Variants in CAPN3 observed in about 807,000 individuals in gnomAD.
The protein encoded by CAPN3 is calpain 3, also known as calpain-3.
In CAPN3, 88 loss-of-function variants were observed where a neutral mutation model predicts 114.0. That is an observed-to-expected ratio of 0.77 (90% CI 0.65 to 0.92). The LOEUF (loss-of-function observed/expected upper bound fraction) is 0.92, where lower values mean the gene tolerates loss of function less well. Among genes scored for constraint, CAPN3 ranks in the 40% least tolerant of loss-of-function variants. The probability of loss-of-function intolerance (pLI) is 0.00; values close to 1 mark genes in which losing one functional copy is unlikely to be tolerated. For synonymous variants in CAPN3, 386 were observed against 382.9 expected, an observed-to-expected ratio of 1.01 and a Z score of -0.09; for missense variants, 1,028 against 1,069.0, an observed-to-expected ratio of 0.96 and a Z score of 0.53.
intron 13 of CAPN3, 121 bp downstream of exon 13, chr15:42,403,123 C>G (rs1595838911): frequency 1.3e-6 from 1 of 769,968 alleles, no homozygotes; most frequent in Non-Finnish European, 2.3e-6. Context: ...TCCTGAGCCA[C>G]TGGCCACATT....
intron 1 of CAPN3, among the ~76,000 whole-genome samples, chr15:42,379,130 G>A (rs768238353): frequency 1.3e-5 from 2 of 152,070 alleles, no homozygotes; most frequent in African/African-American, 2.4e-5. Flanking sequence ...TGACCAACAT[G>A]ATGAAACTCC....
intron 16 of CAPN3, chr15:42,408,635 C>G: frequency 2.6e-6 from 1 of 388,774 alleles, no homozygotes; most frequent in South Asian, 2.1e-5. Context: ...AGCGGAGGCG[C>G]AACTCTTGTC....
At chr15:42,377,322 C>T (rs573847430) in intron 1 of CAPN3, among the ~76,000 whole-genome samples, 4 of 152,166 alleles carry the variant, frequency 2.6e-5, no homozygotes, top group East Asian at 1.9e-4. Flanking sequence ...AGTGGATGAT[C>T]GTTACCAAGT....
intron 1 of CAPN3, among the ~76,000 whole-genome samples, chr15:42,369,686 A>C (rs2052885716): frequency 6.6e-6 from 1 of 151,906 alleles, no homozygotes; most frequent in Non-Finnish European, 1.5e-5. Context: ...TTCTGGCCAC[A>C]ACAAAATGTG....
At chr15:42,369,724 C>T (rs1362295783) in intron 1 of CAPN3, among the ~76,000 whole-genome samples, 2 of 152,044 alleles carry the variant, frequency 1.3e-5, no homozygotes, top group Non-Finnish European at 2.9e-5. Flanking sequence ...ATTTGTTGCC[C>T]CACAACTGGA....
intron 11 of CAPN3, 124 bp from the exon 12 acceptor site, chr15:42,402,000 C>A: frequency 1.4e-6 from 2 of 1,389,860 alleles, no homozygotes; most frequent in Non-Finnish European, 2.0e-6. Context: ...GTGGAGCGGG[C>A]CTGGCAGAAC....
At chr15:42,369,295 G>A (rs752779714) in intron 1 of CAPN3, among the ~76,000 whole-genome samples, 2 of 152,168 alleles carry the variant, frequency 1.3e-5, no homozygotes, top group Admixed American at 6.5e-5. Flanking sequence ...TTAGGCTGAT[G>A]CCCTTTGGGT....
chr15:42,364,641 T>C (rs989814301), intron 1 of CAPN3, among the ~76,000 whole-genome samples: 5 of 152,204 alleles, frequency 3.3e-5, no homozygotes, highest in Admixed American at 3.3e-4. Flanking sequence ...ACATCAAATA[T>C]AAAATGTACA....
intron 1 of CAPN3, among the ~76,000 whole-genome samples, chr15:42,367,252 A>G (rs1239082491): frequency 6.6e-6 from 1 of 152,168 alleles, no homozygotes; most frequent in Non-Finnish European, 1.5e-5. Context: ...GAGTGTGGAA[A>G]GCACAGGAGT....
In CAPN3 at chr15:42,384,523, A is replaced by G; in HGVS notation, c.350A>G (p.Asn117Ser). The change falls in exon 2 of 24, where the codon AAC becomes AGC. Residue 117 changes from asparagine (N) to serine (S), a missense_variant. Coordinates refer to ENST00000397163, the MANE Select transcript of CAPN3 (RefSeq NM_000070.3). ...ENPRFIIDGA[N>S]RTDICQGELG... is the part of the protein sequence containing the mutation. ...CCCCGATTTATCATTGATGGAGCCAACAGAACTGACATCTGTCAAGGAGAG... is the reference window on the plus strand; with the variant it reads ...CCCCGATTTATCATTGATGGAGCCAGCAGAACTGACATCTGTCAAGGAGAG... The G allele has an allele frequency of 1.2e-6, 2 of 1,614,022 alleles. No homozygotes were observed. The highest frequency in any genetic ancestry group is 1.7e-6 in the Non-Finnish European group (2 of 1,179,868).
chr15:42,411,688 CGGGGGGGGG>C (rs772598012), intron 23 of CAPN3, 50 bp from the exon 24 acceptor site: 2 of 455,374 alleles, frequency 4.4e-6, no homozygotes, highest in Non-Finnish European at 7.7e-6. Context: ...ATTCCTAGGG[CGGGGGGGGG>C]GGGGGTCACT....
intron 9 of CAPN3, among the ~76,000 whole-genome samples, chr15:42,398,660 C>T (rs1227338020): frequency 1.4e-5 from 2 of 144,286 alleles, no homozygotes; most frequent in Non-Finnish European, 3.0e-5. Context: ...TATATATACA[C>T]ACACATATAC....
At chr15:42,360,497 T>C (rs28364370) in intron 1 of CAPN3, among the ~76,000 whole-genome samples, 14,731 of 152,236 alleles carry the variant, frequency 0.097, 832 homozygotes, top group South Asian at 0.18. Flanking sequence ...TTTTAAATAT[T>C]ATTCATCTTT....
At chr15:42,369,933 C>T (rs1012777951) in intron 1 of CAPN3, among the ~76,000 whole-genome samples, 8 of 149,070 alleles carry the variant, frequency 5.4e-5, no homozygotes, top group African/African-American at 1.7e-4. Flanking sequence ...AGTGCAATAG[C>T]GCGATCTTGG....
chr15:42,393,696 C>T (rs916438818), intron 7 of CAPN3, among the ~76,000 whole-genome samples: 13 of 151,494 alleles, frequency 8.6e-5, no homozygotes, highest in Non-Finnish European at 2.9e-5. Context: ...TGGATTCAAG[C>T]GATTTTCCTG....
intron 1 of CAPN3, among the ~76,000 whole-genome samples, chr15:42,381,736 C>T (rs1595815131): frequency 6.6e-6 from 1 of 152,144 alleles, no homozygotes; most frequent in African/African-American, 2.4e-5. Flanking sequence ...GACGAGGTTT[C>T]GTCATGTTGG....
At chr15:42,398,708 TATAC>T (rs1455160553) in intron 9 of CAPN3, among the ~76,000 whole-genome samples, 3 of 149,598 alleles carry the variant, frequency 2.0e-5, no homozygotes, top group African/African-American at 7.4e-5. Context: ...TGTGTGTATA[TATAC>T]ACACACACAC....
At chr15:42,389,414 C>G (rs1173159928) in intron 5 of CAPN3, among the ~76,000 whole-genome samples, 2 of 152,350 alleles carry the variant, frequency 1.3e-5, no homozygotes, top group South Asian at 4.1e-4. Flanking sequence ...TGGCCACGTA[C>G]TTGGCTGTGG....
intron 1 of CAPN3, among the ~76,000 whole-genome samples, chr15:42,369,461 C>T (rs1238551081): frequency 6.6e-6 from 1 of 151,628 alleles, no homozygotes; most frequent in Admixed American, 6.6e-5. Context: ...AAAATTGCGC[C>T]ACTGCATTCC....
Sources: allele counts gnomAD v4.1 joint callset (sites outside exome capture counted in the v4.1 genomes callset), GRCh38; gene constraint gnomAD v4.1.1; transcripts MANE v1.5; gene names NCBI Gene and HGNC (gene_info 2026-07-23, HGNC 2026-07-21).